Variants in PALS1 observed in about 807,000 individuals in gnomAD.
The protein encoded by PALS1 is protein PALS1.
A neutral mutation model predicts 78.9 loss-of-function variants in PALS1; 31 were observed. The observed-to-expected ratio is 0.39, with a 90% CI of 0.30 to 0.53. The LOEUF is 0.53. PALS1 is among the 20% of genes least tolerant of loss of function. The pLI is 0.67. For missense variants in PALS1, 704 were observed against 826.5 expected (o/e 0.85, Z 1.82); for synonymous variants, 276 against 270.9 (o/e 1.02, Z -0.18).
intron 9 of PALS1, among the ~76,000 whole-genome samples, chr14:67,313,442 A>T (rs1455052765): frequency 1.3e-5 from 2 of 152,110 alleles, no homozygotes; most frequent in Non-Finnish European, 2.9e-5. Flanking sequence ...CCACCATCAT[A>T]TATATGGTTG....
chr14:67,287,691 A>G (rs1257222531), intron 3 of PALS1, among the ~76,000 whole-genome samples: 1 of 152,242 alleles, frequency 6.6e-6, no homozygotes, highest in Non-Finnish European at 1.5e-5. Context: ...TAATAATTTT[A>G]TCCTAGAAAT....
intron 1 of PALS1, among the ~76,000 whole-genome samples, chr14:67,246,871 T>G (rs761470618): frequency 6.6e-6 from 1 of 152,070 alleles, no homozygotes; most frequent in Non-Finnish European, 1.5e-5. Context: ...AGGATGGTCT[T>G]GATCTCCTGA....
At chr14:67,247,645 A>G (rs994016107) in intron 1 of PALS1, among the ~76,000 whole-genome samples, 1 of 151,980 alleles carries the variant, frequency 6.6e-6, no homozygotes, top group Non-Finnish European at 1.5e-5. Flanking sequence ...GTGGCGCAGC[A>G]CTGCTCACGG....
intron 1 of PALS1, among the ~76,000 whole-genome samples, chr14:67,256,570 TGG>T (rs991817601): frequency 5.9e-5 from 9 of 152,252 alleles, no homozygotes; most frequent in African/African-American, 1.9e-4. Context: ...TTTTTTGAGA[TGG>T]AGTCTCGCTC....
intron 13 of PALS1, among the ~76,000 whole-genome samples, chr14:67,322,750 C>T (rs1433651821): frequency 2.1e-5 from 3 of 145,646 alleles, no homozygotes; most frequent in Non-Finnish European, 4.4e-5. Flanking sequence ...AAAGGGCTAA[C>T]AGATTTTAAC....
chr14:67,332,866 C>G lies in PALS1; in HGVS notation c.1938C>G (p.Ser646=), dbSNP rs139168348. 1.9e-6 allele frequency: 3 copies of G among 1,613,832 alleles called. No individual in the cohort carries two copies. The highest frequency in any genetic ancestry group is 2.5e-6 in the Non-Finnish European group (3 of 1,179,854). The change falls in exon 15 of 15, where the codon TCC becomes TCG. Residue 646 remains serine (S), a synonymous_variant. Coordinates refer to ENST00000261681, the MANE Select transcript of PALS1 (RefSeq NM_022474.4). The part of the protein sequence containing the change: ...GHYFDTAIVN[S]DLDKAYQELL... ...ACTTTGATACGGCAATTGTGAATTC[C>G]GATCTTGATAAAGCCTATCAGGAAT...
chr14:67,295,395 C>T (rs752272844), intron 4 of PALS1, among the ~76,000 whole-genome samples: 1 of 150,900 alleles, frequency 6.6e-6, no homozygotes. Context: ...GAGGCTGAGG[C>T]AGGAGAATCA....
chr14:67,273,985 G>T (rs900045780), intron 2 of PALS1, among the ~76,000 whole-genome samples: 6 of 151,872 alleles, frequency 4.0e-5, no homozygotes, highest in African/African-American at 1.5e-4. Flanking sequence ...TTTTTTCTTG[G>T]AAATTTGTTT....
At chr14:67,296,894 A>G (rs536201132) in intron 4 of PALS1, among the ~76,000 whole-genome samples, 317 of 152,138 alleles carry the variant, frequency 2.1e-3, no homozygotes, top group African/African-American at 7.1e-3. Context: ...GGCTCAAACA[A>G]TCCTTCCATC....
chr14:67,267,557 A>G (rs762325691), intron 1 of PALS1, among the ~76,000 whole-genome samples: 4 of 152,222 alleles, frequency 2.6e-5, no homozygotes, highest in Admixed American at 6.5e-5. Flanking sequence ...AGCAAAATTC[A>G]GTAATTTTAA....
chr14:67,332,893 G>C lies in PALS1; in HGVS notation c.1965G>C (p.Leu655Phe), dbSNP rs1240924171. 1 of 1,614,040 alleles carries C rather than the reference G, an allele frequency of 6.2e-7. No homozygotes were observed. Among genetic ancestry groups the C allele is most frequent in the East Asian group, 2.2e-5 (1 of 44,878 alleles). Residue 655 changes from leucine (L) to phenylalanine (F), a missense_variant, in exon 15 of 15, where the codon TTG becomes TTC. Transcript: ENST00000261681. ...ATCTTGATAAAGCCTATCAGGAATT[G>C]CTTAGGTTAATTAACAAACTTGATA... ...NSDLDKAYQE[L>F]LRLINKLDTE...
In PALS1 at chr14:67,333,121, G is replaced by T; in HGVS notation, c.*165G>T. 3.5e-6 allele frequency: 2 copies of T among 571,538 alleles called. No individual in the cohort carries two copies. Among genetic ancestry groups the T allele is most frequent in the Admixed American group, 6.6e-5 (2 of 30,326 alleles). The allele number at this position is 571,538 out of a possible 1,614,324, so 35.4% of individuals were successfully genotyped here. ...ATTAGTGAGACGACAGTTCCCTTAG[G>T]CAGTTTGTGCATGGCATCCTTTATT... On this transcript the variant is annotated 3_prime_UTR_variant, in exon 15 of 15. Transcript: ENST00000261681.
intron 4 of PALS1, among the ~76,000 whole-genome samples, chr14:67,297,723 ATAAAGG>A (rs1230832607): frequency 3.9e-5 from 6 of 152,154 alleles, no homozygotes; most frequent in African/African-American, 1.4e-4. Context: ...TATGTGGGTA[ATAAAGG>A]TAAAGGAGAC....
At chr14:67,319,421 C>G (rs1056772610) in intron 11 of PALS1, among the ~76,000 whole-genome samples, 2 of 152,094 alleles carry the variant, frequency 1.3e-5, no homozygotes, top group Non-Finnish European at 2.9e-5. Flanking sequence ...ATTCATGACT[C>G]TGGGTTAGCA....
At position 67,334,544 on chromosome 14, in the gene PALS1, A is replaced by AT. The variant is rs2085500999; in HGVS notation, c.*1589dup. On this transcript the variant is annotated 3_prime_UTR_variant, in exon 15 of 15. Transcript: ENST00000261681. ...ATTTGATTGATTTTTTTTCTTCTAC[A>AT]TAATTTTATTTGAACAAATGTAGAC... 6.6e-6 allele frequency: 1 copy of AT among 152,622 alleles called. No homozygotes were observed. The highest frequency in any genetic ancestry group is 1.5e-5 in the Non-Finnish European group (1 of 68,028). The allele number at this position is 152,622 out of a possible 1,614,324, so 9.5% of individuals were successfully genotyped here.
At chr14:67,274,464 C>T (rs1254910916) in intron 2 of PALS1, among the ~76,000 whole-genome samples, 1 of 152,006 alleles carries the variant, frequency 6.6e-6, no homozygotes, top group Non-Finnish European at 1.5e-5. Context: ...GGGCTCTGTT[C>T]TGTTCCATTG....
At chr14:67,268,799 T>G (rs765297565) in intron 1 of PALS1, among the ~76,000 whole-genome samples, 2 of 152,216 alleles carry the variant, frequency 1.3e-5, no homozygotes, top group Non-Finnish European at 2.9e-5. Context: ...TATCTCATCC[T>G]GTGACTTAGA....
chr14:67,329,566 G>A (rs758384645), intron 14 of PALS1, among the ~76,000 whole-genome samples: 1 of 152,178 alleles, frequency 6.6e-6, no homozygotes, highest in Non-Finnish European at 1.5e-5. Context: ...AGTTTTCAAA[G>A]GGAATGCTTC....
chr14:67,294,084 A>G (rs1027818927), intron 4 of PALS1, among the ~76,000 whole-genome samples: 9 of 152,212 alleles, frequency 5.9e-5, no homozygotes, highest in Non-Finnish European at 2.9e-5. Flanking sequence ...AGGACTTTAA[A>G]AAAGATCAAT....
Sources: allele counts gnomAD v4.1 joint callset (sites outside exome capture counted in the v4.1 genomes callset), GRCh38; gene constraint gnomAD v4.1.1; transcripts MANE v1.5; gene names NCBI Gene and HGNC (gene_info 2026-07-23, HGNC 2026-07-21).